Variants in SYTL2 observed in about 807,000 individuals in gnomAD.
SYTL2 encodes the protein synaptotagmin-like protein 2.
In SYTL2, 165 loss-of-function variants were observed where a neutral mutation model predicts 198.7. That is an observed-to-expected ratio of 0.83 (90% CI 0.73 to 0.94). The LOEUF is 0.94. Ranked by LOEUF, SYTL2 falls within the 40% of genes least tolerant of loss-of-function variation. SYTL2 has a pLI of 0.00. For missense variants in SYTL2, 2,835 were observed against 2,582.8 expected (o/e 1.10, Z -2.12); for synonymous variants, 966 against 917.7 (o/e 1.05, Z -0.95).
the SYTL2 span, among the ~76,000 whole-genome samples, chr11:85,844,422 T>A: frequency 6.6e-6 from 1 of 152,250 alleles, no homozygotes; most frequent in Non-Finnish European, 1.5e-5. Flanking sequence ...GTCATTTTAT[T>A]TTCCTTTCCA....
At chr11:85,713,301 T>C (rs1039292878) in intron 12 of SYTL2, among the ~76,000 whole-genome samples, 1 of 152,176 alleles carries the variant, frequency 6.6e-6, no homozygotes, top group Non-Finnish European at 1.5e-5. Context: ...TATTTCACCG[T>C]TAGAAATCAG....
Position 85,709,192 on chromosome 11 carries a change from C to T in SYTL2, c.5915+139G>A. 9 of 802,530 alleles carry T rather than the reference C, an allele frequency of 1.1e-5. No homozygotes were observed. The Middle Eastern group carries it at 2.2e-3, about 193-fold the overall frequency. 49.7% of individuals were successfully genotyped at this position (802,530 alleles called of 1,614,324 possible). The stretch of plus-strand genomic sequence containing the variant: ...TGACATATGAATTTATAGAATAAAA[C>T]AGCATTTCCCCCCAACTTTTCAAAC... On this transcript the variant is annotated intron_variant, in intron 14 of 19. Coordinates refer to ENST00000359152, the MANE Select transcript of SYTL2 (RefSeq NM_206927.4).
At chr11:85,772,238 T>C (rs889193115) in intron 1 of SYTL2, among the ~76,000 whole-genome samples, 7 of 152,178 alleles carry the variant, frequency 4.6e-5, no homozygotes, top group Non-Finnish European at 1.0e-4. Flanking sequence ...CAGATACCCA[T>C]AAATTTGGTT....
intron 1 of SYTL2, among the ~76,000 whole-genome samples, chr11:85,792,826 T>C (rs2092749949): frequency 6.6e-6 from 1 of 150,576 alleles, no homozygotes; most frequent in Non-Finnish European, 1.5e-5. Flanking sequence ...CCCCTTCCTG[T>C]GTCCATGTGT....
At chr11:85,699,378 C>T (rs1298579559) in intron 17 of SYTL2, among the ~76,000 whole-genome samples, 2 of 152,124 alleles carry the variant, frequency 1.3e-5, no homozygotes, top group Non-Finnish European at 2.9e-5. Context: ...ACACAATACC[C>T]CTGCCCTCTA....
chr11:85,817,902 CTTTTTTT>C, the SYTL2 span, among the ~76,000 whole-genome samples: 4 of 109,914 alleles, frequency 3.6e-5, no homozygotes, highest in Non-Finnish European at 7.1e-5. Flanking sequence ...TGTGTCTTTT[CTTTTTTT>C]TTTTTTTTTT....
Position 85,726,166 on chromosome 11 carries a change from T to G in SYTL2, c.3192A>C (p.Pro1064=). 1 of 1,614,074 alleles carries G rather than the reference T, an allele frequency of 6.2e-7. No homozygotes were observed. Among genetic ancestry groups the G allele is most frequent in the Non-Finnish European group, 8.5e-7 (1 of 1,179,956 alleles). The change falls in exon 8 of 20, where the codon CCA becomes CCC. Residue 1064 remains proline, a synonymous_variant. Transcript: ENST00000359152. ...LNSKGILQVL[P]DEITFPLSPL... is the part of the protein sequence containing the mutation. The stretch of plus-strand genomic sequence containing the variant: ...GACTCAAAGGAAATGTGATTTCATC[T>G]GGTAGCACCTGGAGTATGCCCTTTG...
chr11:85,751,063 G>A (rs973853991), intron 2 of SYTL2, among the ~76,000 whole-genome samples: 5 of 152,052 alleles, frequency 3.3e-5, no homozygotes, highest in Non-Finnish European at 5.9e-5. Flanking sequence ...GTTTTGCATC[G>A]ACTCCCTGAA....
chr11:85,785,988 A>G (rs1242171985), intron 1 of SYTL2, among the ~76,000 whole-genome samples: 1 of 152,220 alleles, frequency 6.6e-6, no homozygotes, highest in African/African-American at 2.4e-5. Context: ...ATAGCCAAAA[A>G]TTAGAAATAA....
Position 85,719,050 on chromosome 11 carries a change from A to C in SYTL2, c.5429-207T>G, listed in dbSNP as rs774538197. On this transcript the variant is annotated intron_variant, in intron 9 of 19. Transcript: ENST00000359152. ...AGCGGGAGCTCCCATTTCAGCCCGG[A>C]TGCAGCTCACATCACTGCTGCACAC... 2.6e-6 allele frequency: 4 copies of C among 1,516,110 alleles called. No individual in the cohort carries two copies. In the South Asian group the frequency reaches 4.8e-5, roughly 18 times the overall value. The allele number at this position is 1,516,110 out of a possible 1,614,324, so 93.9% of individuals were successfully genotyped here. A position where few individuals can be genotyped will look rare whatever the true frequency, so the allele number is the denominator to read the frequency against.
At position 85,695,080 on chromosome 11, in the gene SYTL2, T is replaced by C. The variant is rs1264099245; in HGVS notation, c.*115A>G. The C allele has an allele frequency of 1.0e-5, 11 of 1,092,552 alleles. No homozygotes were observed. Among genetic ancestry groups the C allele is most frequent in the Non-Finnish European group, 1.2e-5 (9 of 757,354 alleles). 67.7% of individuals were successfully genotyped at this position (1,092,552 alleles called of 1,614,324 possible). On this transcript the variant is annotated 3_prime_UTR_variant, in exon 20 of 20. Coordinates refer to ENST00000359152, the MANE Select transcript of SYTL2 (RefSeq NM_206927.4). ...AGATTGACTTTTACATGCTGTGTAG[T>C]ATTCCTTAGGTGCAATAGATAGAAA... is the stretch of plus-strand genomic sequence containing the variant.
Position 85,757,810 on chromosome 11 carries a change from T to A in SYTL2, c.-85A>T. The stretch of plus-strand genomic sequence containing the variant: ...ACAACTAAGACTGCAACCAGGAAGA[T>A]TAAAACACACAAAAATGAAATATCT... On this transcript the variant is annotated 5_prime_UTR_variant, in exon 2 of 20. Transcript: ENST00000359152. 6.4e-7 allele frequency: 1 copy of A among 1,570,520 alleles called. No homozygotes were observed. Among genetic ancestry groups the A allele is most frequent in the Admixed American group, 1.7e-5 (1 of 58,308 alleles).
chr11:85,751,106 A>T (rs189294456), intron 2 of SYTL2, among the ~76,000 whole-genome samples: 95 of 152,306 alleles, frequency 6.2e-4, no homozygotes, highest in African/African-American at 2.2e-3. Flanking sequence ...GATAGCCATT[A>T]TAGTAAGGAA....
chr11:85,723,971 C>T (rs2088733911), intron 8 of SYTL2, 61 bp downstream of exon 8: 1 of 960,644 alleles, frequency 1.0e-6, no homozygotes, highest in Admixed American at 2.9e-5. Flanking sequence ...AAAAAATCAT[C>T]CTTTACATCA....
upstream of SYTL2, among the ~76,000 whole-genome samples, chr11:85,813,058 C>T (rs747663636): frequency 1.3e-5 from 2 of 152,140 alleles, no homozygotes; most frequent in Middle Eastern, 3.2e-3. Context: ...CAGTATCACT[C>T]GTCCCCTGGA....
the SYTL2 span, among the ~76,000 whole-genome samples, chr11:85,850,608 G>A: frequency 2.0e-5 from 3 of 151,276 alleles, no homozygotes; most frequent in Non-Finnish European, 4.4e-5. Context: ...CATTGTGGAA[G>A]TCAGTGTGGC....
At chr11:85,793,880 G>A (rs916507187) in intron 1 of SYTL2, among the ~76,000 whole-genome samples, 2 of 152,074 alleles carry the variant, frequency 1.3e-5, no homozygotes, top group Admixed American at 6.5e-5. Flanking sequence ...TATGAACCCT[G>A]GAAAATATTT....
chr11:85,791,199 C>CCTTAGTAAATATTCTGGCT (rs1451386856), intron 1 of SYTL2, among the ~76,000 whole-genome samples: 2 of 98,514 alleles, frequency 2.0e-5, no homozygotes, highest in Non-Finnish European at 4.4e-5. Flanking sequence ...AAAAAAACAA[C>CCTTAGTAAATATTCTGGCT]CTTAGTAAAT....
At chr11:85,838,679 C>T in the SYTL2 span, among the ~76,000 whole-genome samples, 1 of 152,112 alleles carries the variant, frequency 6.6e-6, no homozygotes, top group Non-Finnish European at 1.5e-5. Context: ...AAAGACAGCA[C>T]CAAGCCATGA....
Sources: gnomAD v4.1 joint callset for allele counts (sites outside exome capture counted in the v4.1 genomes callset) on GRCh38, gnomAD v4.1.1 for gene constraint, MANE v1.5 for transcripts, NCBI Gene and HGNC (gene_info 2026-07-23, HGNC 2026-07-21) for gene names.